HDAC9: variants seen among roughly 807,000 people sequenced by gnomAD.
HDAC9 encodes histone deacetylase 9.
HDAC9 carries 41 observed loss-of-function variants against 139.4 expected under a neutral mutation model. The observed-to-expected ratio is 0.29, with a 90% confidence interval of 0.23 to 0.38. The LOEUF (loss-of-function observed/expected upper bound fraction) is 0.38. Ranked by LOEUF, HDAC9 falls within the 10% of genes least tolerant of loss-of-function variation. The probability of loss-of-function intolerance (pLI) is 1.00; values close to 1 mark genes in which losing one functional copy is unlikely to be tolerated. For synonymous variants in HDAC9, 517 were observed against 476.2 expected (o/e 1.09, Z -1.12); for missense variants, 1,147 against 1,297.0 (o/e 0.88, Z 1.78).
chr7:18,162,455 TTG>T, intron 2 of HDAC9: 2 of 1,090,772 alleles, frequency 1.8e-6, no homozygotes, highest in African/African-American at 1.6e-5. Flanking sequence ...TTTTTTTTTT[TTG>T]GACAAAGATT....
chr7:18,453,611 G>A (rs1793081839), intron 1 of HDAC9, among the ~76,000 whole-genome samples: 2 of 152,132 alleles, frequency 1.3e-5, no homozygotes, highest in South Asian at 4.1e-4. Context: ...GCTAATCCTT[G>A]TCTAAAGCTT....
chr7:18,579,128 A>G (rs1213495208), intron 2 of HDAC9, among the ~76,000 whole-genome samples: 6 of 152,216 alleles, frequency 3.9e-5, no homozygotes, highest in African/African-American at 1.4e-4. Context: ...TATCATCATG[A>G]TACATGTAAA....
At chr7:18,835,256 G>A (rs1458907807) in intron 19 of HDAC9, among the ~76,000 whole-genome samples, 1 of 152,134 alleles carries the variant, frequency 6.6e-6, no homozygotes, top group Non-Finnish European at 1.5e-5. Context: ...TAAAAAATGA[G>A]TGCATTAAAG....
chr7:18,416,165 G>A lies in HDAC9; in HGVS notation c.-41-80097G>A, dbSNP rs544344576. ...TACAAAATTAGCCGGGCATGGTGGC[G>A]CATGCCTGTAATCCCAGCTACTCAG... On this transcript the variant is annotated intron_variant, in intron 1 of 3. Coordinates refer to the HDAC9 transcript ENST00000413509. 1.8e-4 allele frequency among the ~76,000 whole-genome samples: 27 copies of A among 151,996 alleles called. No individual in the cohort carries two copies. In the South Asian group the frequency reaches 2.7e-3, roughly 15 times the overall value.
chr7:18,802,189 G>A (rs1305624857), intron 17 of HDAC9, among the ~76,000 whole-genome samples: 1 of 151,532 alleles, frequency 6.6e-6, no homozygotes, highest in Non-Finnish European at 1.5e-5. Context: ...TACTATTTGA[G>A]TTACATGCTG....
intron 22 of HDAC9, among the ~76,000 whole-genome samples, chr7:18,891,833 C>A (rs1235137565): frequency 6.6e-6 from 1 of 152,162 alleles, no homozygotes; most frequent in Non-Finnish European, 1.5e-5. Context: ...GACAGAGATA[C>A]TAGTGTCAAA....
intron 25 of HDAC9, among the ~76,000 whole-genome samples, chr7:18,981,164 A>G (rs1398406398): frequency 6.6e-6 from 1 of 152,082 alleles, no homozygotes; most frequent in East Asian, 1.9e-4. Flanking sequence ...TCAGTAATCT[A>G]TAATATAAGA....
At chr7:18,816,791 A>C (rs1412283729) in intron 17 of HDAC9, among the ~76,000 whole-genome samples, 2 of 152,204 alleles carry the variant, frequency 1.3e-5, no homozygotes, top group Non-Finnish European at 2.9e-5. Flanking sequence ...ACTGTGTTTA[A>C]TTTCCACGGA....
chr7:18,563,946 C>T (rs73062331), intron 2 of HDAC9, among the ~76,000 whole-genome samples: 8,862 of 151,596 alleles, frequency 0.058, 306 homozygotes, highest in East Asian at 0.085. Flanking sequence ...AGCAATTCTC[C>T]TGCCTTAGCC....
chr7:18,923,648 G>A (rs75675382), intron 22 of HDAC9, among the ~76,000 whole-genome samples: 5,732 of 152,002 alleles, frequency 0.038, 260 homozygotes, highest in East Asian at 0.1. Context: ...CGCCTTACCC[G>A]AAATACTCTA....
intron 1 of HDAC9, among the ~76,000 whole-genome samples, chr7:18,096,194 G>T (rs1336221566): frequency 6.6e-6 from 1 of 152,158 alleles, no homozygotes. Context: ...CACAGAGATA[G>T]GATGCATGCA....
chr7:18,649,040 A>T (rs957410938), intron 11 of HDAC9, among the ~76,000 whole-genome samples: 6 of 152,170 alleles, frequency 3.9e-5, no homozygotes, highest in African/African-American at 1.4e-4. Context: ...ACATGTCAAA[A>T]AGTTTGTACA....
intron 1 of HDAC9, among the ~76,000 whole-genome samples, chr7:18,489,251 ACT>A (rs1796194300): frequency 6.6e-6 from 1 of 152,046 alleles, no homozygotes; most frequent in African/African-American, 2.4e-5. Flanking sequence ...ACTTTTTATA[ACT>A]CTGAGTAAAT....
intron 19 of HDAC9, among the ~76,000 whole-genome samples, chr7:18,833,204 CTTA>C (rs1554371909): frequency 1.3e-5 from 2 of 152,122 alleles, no homozygotes; most frequent in Non-Finnish European, 2.9e-5. Flanking sequence ...TGTTGAAAAT[CTTA>C]TTATGCTGTG....
intron 2 of HDAC9, among the ~76,000 whole-genome samples, chr7:18,284,070 T>A (rs1158300371): frequency 6.6e-6 from 1 of 152,176 alleles, no homozygotes; most frequent in Non-Finnish European, 1.5e-5. Context: ...ACCATAATTT[T>A]GTGAATGTTA....
chr7:18,636,136 C>T (rs888257179), intron 8 of HDAC9, among the ~76,000 whole-genome samples: 8 of 152,024 alleles, frequency 5.3e-5, no homozygotes, highest in Non-Finnish European at 1.0e-4. Context: ...TTTTCAGGGC[C>T]TCAGAAACTC....
chr7:18,695,715 C>T (rs1203070969), intron 12 of HDAC9, among the ~76,000 whole-genome samples: 1 of 152,138 alleles, frequency 6.6e-6, no homozygotes, highest in Non-Finnish European at 1.5e-5. Flanking sequence ...AGCTTATCCT[C>T]ACCTGAACTT....
At position 18,798,173 on chromosome 7, in the gene HDAC9, AG is replaced by A. The variant is rs376755255; in HGVS notation, c.2322+4723del. ...ACAAAGAGTAAAACAGTCCGCTCCTAGGCTACTTTCACAGTAAATTTCAGGA... is the reference window on the plus strand; with the variant it reads ...ACAAAGAGTAAAACAGTCCGCTCCTAGCTACTTTCACAGTAAATTTCAGGA... On this transcript the variant is annotated intron_variant, in intron 17 of 25. Transcript: ENST00000686413. 2.5e-4 allele frequency among the ~76,000 whole-genome samples: 38 copies of A among 152,274 alleles called. No individual in the cohort carries two copies. The East Asian group carries it at 2.7e-3, about 11-fold the overall frequency.
chr7:18,251,349 G>T (rs1794906855), intron 2 of HDAC9, among the ~76,000 whole-genome samples: 1 of 152,096 alleles, frequency 6.6e-6, no homozygotes, highest in African/African-American at 2.4e-5. Context: ...ACACACTGGG[G>T]CCTGTTGGAG....
Sources: allele counts gnomAD v4.1 joint callset (sites outside exome capture counted in the v4.1 genomes callset), GRCh38; gene constraint gnomAD v4.1.1; transcripts MANE v1.5; gene names NCBI Gene and HGNC (gene_info 2026-07-23, HGNC 2026-07-21).